ANKFY1: variants seen among roughly 807,000 people sequenced by gnomAD.
The protein encoded by ANKFY1 is ankyrin repeat and FYVE domain-containing protein 1.
Under a neutral mutation model 128.3 loss-of-function variants are expected in ANKFY1, and 47 were observed. That is an observed-to-expected ratio of 0.37 (90% CI 0.29 to 0.47). ANKFY1 has a LOEUF of 0.47. Ranked by LOEUF, ANKFY1 falls within the 20% of genes least tolerant of loss-of-function variation. The probability of loss-of-function intolerance (pLI) is 1.00; values close to 1 mark genes in which losing one functional copy is unlikely to be tolerated. For synonymous variants in ANKFY1, 553 were observed against 601.6 expected, an observed-to-expected ratio of 0.92 and a Z score of 1.18; for missense variants, 1,222 against 1,510.6, an observed-to-expected ratio of 0.81 and a Z score of 3.17.
Position 4,166,207 on chromosome 17 carries a change from C to T in ANKFY1, c.*1572G>A, listed in dbSNP as rs1349328265. On this transcript the variant is annotated 3_prime_UTR_variant, in exon 25 of 25. Transcript: ENST00000341657. The stretch of plus-strand genomic sequence containing the variant: ...AGCTCATTTTACACACATATTTAGG[C>T]AACAGAATGTATAAATCTACCGCAA... 6.6e-6 allele frequency: 1 copy of T among 152,036 alleles called. No individual in the cohort carries two copies. The highest frequency in any genetic ancestry group is 2.4e-5 in the African/African-American group (1 of 41,372). The allele number at this position is 152,036 out of a possible 1,614,324, so 9.4% of individuals were successfully genotyped here.
At chr17:4,259,523 C>T (rs1226762006) in intron 1 of ANKFY1, among the ~76,000 whole-genome samples, 1 of 152,186 alleles carries the variant, frequency 6.6e-6, no homozygotes, top group Admixed American at 6.5e-5. Context: ...CTCAAGTGAT[C>T]CGCCCACCTT....
chr17:4,169,981 G>A lies in ANKFY1; in HGVS notation c.3287-693C>T, dbSNP rs1325545478. Among the ~76,000 whole-genome samples the A allele has an allele frequency of 1.3e-5, 2 of 152,208 alleles. No homozygotes were observed. Among genetic ancestry groups the A allele is most frequent in the Admixed American group, 1.3e-4 (2 of 15,288 alleles). ...AGTCCGTCAGTTCCTTCTGAGTAAT[G>A]GGATGTGTGTGCTGCCGGCCCTGTG... On this transcript the variant is annotated intron_variant, in intron 23 of 24. Transcript: ENST00000341657. The surrounding 1 kb of genome is among the most constrained non-coding windows in gnomAD (Gnocchi z 5.0).
chr17:4,182,891 A>AG (rs1224751673), intron 14 of ANKFY1, among the ~76,000 whole-genome samples: 1 of 152,130 alleles, frequency 6.6e-6, no homozygotes, highest in Non-Finnish European at 1.5e-5. Flanking sequence ...AGATCACTTG[A>AG]GGTCAGGAGT....
chr17:4,183,702 C>A, intron 13 of ANKFY1, 110 bp downstream of exon 13: 1 of 1,412,672 alleles, frequency 7.1e-7, no homozygotes, highest in South Asian at 1.2e-5. Context: ...TATTTTACAA[C>A]CAAATGATTA....
At chr17:4,240,064 CTTTTT>C (rs11290920) in intron 2 of ANKFY1, among the ~76,000 whole-genome samples, 2 of 114,232 alleles carry the variant, frequency 1.8e-5, no homozygotes, top group Admixed American at 8.9e-5. Context: ...ATTAGCATGC[CTTTTT>C]TTTTTTTTTT....
intron 7 of ANKFY1, among the ~76,000 whole-genome samples, chr17:4,200,663 G>A (rs1210851906): frequency 2.0e-5 from 3 of 152,164 alleles, no homozygotes; most frequent in South Asian, 2.1e-4. Context: ...GTGACCTTGC[G>A]ATGAATGCTA....
intron 1 of ANKFY1, among the ~76,000 whole-genome samples, chr17:4,259,756 C>T (rs1383122921): frequency 1.3e-5 from 2 of 152,176 alleles, no homozygotes; most frequent in Admixed American, 6.5e-5. Context: ...GCAGGTGATG[C>T]TCAATAAATT....
At chr17:4,228,877 T>A (rs2060469292) in intron 3 of ANKFY1, among the ~76,000 whole-genome samples, 1 of 152,216 alleles carries the variant, frequency 6.6e-6, no homozygotes, top group African/African-American at 2.4e-5. Context: ...AGCACGGCAC[T>A]GTGGTTAATG....
chr17:4,258,452 G>A (rs1358406977), intron 1 of ANKFY1, among the ~76,000 whole-genome samples: 4 of 151,522 alleles, frequency 2.6e-5, no homozygotes, highest in Non-Finnish European at 5.9e-5. Flanking sequence ...GTGAACCTGG[G>A]AGGGGAGCTT....
At chr17:4,242,224 A>T (rs1283175498) in intron 2 of ANKFY1, 32 bp downstream of exon 2, 1 of 1,474,078 alleles carries the variant, frequency 6.8e-7, no homozygotes, top group East Asian at 2.7e-5. Flanking sequence ...GAATAAAGCC[A>T]AAGGGCCTTC....
chr17:4,175,043 A>G (rs1383640778), intron 19 of ANKFY1, among the ~76,000 whole-genome samples: 1 of 150,166 alleles, frequency 6.7e-6, no homozygotes, highest in East Asian at 2.1e-4. Flanking sequence ...TTTAAAAGAA[A>G]GAACACAGGC....
At chr17:4,207,845 G>C (rs1445156731) in intron 6 of ANKFY1, 88 bp downstream of exon 6, 2 of 1,342,378 alleles carry the variant, frequency 1.5e-6, no homozygotes, top group Non-Finnish European at 2.0e-6. Flanking sequence ...TGCCAGTCAT[G>C]GCTCGGAAGG....
intron 3 of ANKFY1, among the ~76,000 whole-genome samples, chr17:4,234,859 C>T (rs372121591): frequency 3.8e-4 from 58 of 152,140 alleles, no homozygotes; most frequent in African/African-American, 1.3e-3. Flanking sequence ...TTAAGCTATA[C>T]GACACAATGC....
chr17:4,235,462 T>C (rs1966874706), intron 3 of ANKFY1, among the ~76,000 whole-genome samples: 1 of 152,130 alleles, frequency 6.6e-6, no homozygotes, highest in African/African-American at 2.4e-5. Context: ...AATCCTTATT[T>C]ACAGCATATT....
rs139978617 is a variant in ANKFY1, at chr17:4,174,410, G to T, written c.2776-354C>A. 2.6e-3 allele frequency among the ~76,000 whole-genome samples: 391 copies of T among 152,268 alleles called. 2 individuals carry two copies. Among genetic ancestry groups the T allele is most frequent in the African/African-American group, 9.0e-3 (374 of 41,558 alleles). ...AATAGGAAAGCCTGAAGGCAAAGGG[G>T]TTTGGTTGTAAAAAATTGTAATAGG... On this transcript the variant is annotated intron_variant, in intron 19 of 24. Transcript: ENST00000341657.
intron 1 of ANKFY1, among the ~76,000 whole-genome samples, chr17:4,244,033 C>T (rs1046562891): frequency 6.6e-6 from 1 of 151,682 alleles, no homozygotes; most frequent in South Asian, 2.1e-4. Flanking sequence ...TGGGTTCAAG[C>T]GATTCTCCTC....
intron 7 of ANKFY1, among the ~76,000 whole-genome samples, chr17:4,200,316 A>G (rs1050982902): frequency 1.3e-5 from 2 of 152,142 alleles, no homozygotes; most frequent in African/African-American, 2.4e-5. Flanking sequence ...CGCCCACCTC[A>G]GCCTCCCAAA....
intron 1 of ANKFY1, 26 bp downstream of exon 1, chr17:4,263,906 C>T: frequency 6.2e-7 from 1 of 1,613,870 alleles, no homozygotes. Flanking sequence ...CGTGTCTTCC[C>T]GCGCGGCTCC....
Position 4,183,823 on chromosome 17 carries a change from G to A in ANKFY1, c.1787C>T (p.Ala596Val). The A allele has an allele frequency of 3.1e-6, 5 of 1,612,372 alleles. No individual in the cohort carries two copies. Among genetic ancestry groups the A allele is most frequent in the Non-Finnish European group, 4.2e-6 (5 of 1,178,412 alleles). ...CGGCACAGCCTTACCAGTCCATAATGCCAGGCCCAGCACAGTCTGGTCTCG... is the reference window on the plus strand; with the variant it reads ...CGGCACAGCCTTACCAGTCCATAATACCAGGCCCAGCACAGTCTGGTCTCG... ...DSRDQTVLGL[A>V]LWTGMHTIAA... Residue 596 changes from alanine (A) to valine (V), a missense_variant, in exon 13 of 25, where the codon GCA becomes GTA. Coordinates refer to ENST00000341657, the MANE Select transcript of ANKFY1 (RefSeq NM_001330063.2).
Sources: allele counts gnomAD v4.1 joint callset (sites outside exome capture counted in the v4.1 genomes callset), GRCh38; gene constraint gnomAD v4.1.1; non-coding constraint Gnocchi (gnomAD v3.1); transcripts MANE v1.5; gene names NCBI Gene and HGNC (gene_info 2026-07-23, HGNC 2026-07-21).